GLI2: variants seen among roughly 807,000 people sequenced by gnomAD.
The protein encoded by GLI2 is GLI family zinc finger 2.
A neutral mutation model predicts 78.9 loss-of-function variants in GLI2; 22 were observed. The ratio of observed to expected loss-of-function variants is 0.28; its 90% CI spans 0.20 to 0.40. GLI2 has a LOEUF of 0.40. Ranked by LOEUF, GLI2 falls within the 10% of genes least tolerant of loss-of-function variation. GLI2 has a pLI of 1.00. For missense variants in GLI2, 2,097 were observed against 2,213.2 expected, an observed-to-expected ratio of 0.95 and a Z score of 1.05; for synonymous variants, 974 against 963.7, an observed-to-expected ratio of 1.01 and a Z score of -0.20.
rs765506275 is a variant in GLI2, at chr2:120,978,589, TGGC to T, written c.1467+7_1467+9del. The T allele has an allele frequency of 6.2e-7, 1 of 1,612,766 alleles. No individual in the cohort carries two copies. Among genetic ancestry groups the T allele is most frequent in the Admixed American group, 1.7e-5 (1 of 59,978 alleles). On this transcript the variant is annotated splice_region_variant and intron_variant, in intron 10 of 13. Transcript: ENST00000361492. ...AGAAGCCCCACAAGTGCACGGTGAG[TGGC>T]CTTCTCCCCACCCCCGCCGCAGCAT...
chr2:120,871,282 G>C (rs1688413370), intron 2 of GLI2, among the ~76,000 whole-genome samples: 2 of 148,056 alleles, frequency 1.4e-5, no homozygotes, highest in Admixed American at 6.8e-5. Flanking sequence ...CAAAGATAGG[G>C]CTGTACTTCC....
chr2:120,851,659 C>T (rs1049563384), intron 2 of GLI2, among the ~76,000 whole-genome samples: 2 of 152,170 alleles, frequency 1.3e-5, no homozygotes, highest in Non-Finnish European at 2.9e-5. Context: ...TCACACTGTC[C>T]CCGAACACAG....
chr2:120,809,949 T>C (rs1326461397), intron 2 of GLI2, among the ~76,000 whole-genome samples: 1 of 152,196 alleles, frequency 6.6e-6, no homozygotes, highest in Non-Finnish European at 1.5e-5. Flanking sequence ...TGGCAGGCTC[T>C]GCAGTGGTGG....
intron 3 of GLI2, among the ~76,000 whole-genome samples, chr2:120,939,339 C>T (rs1409991803): frequency 6.6e-6 from 1 of 152,064 alleles, no homozygotes; most frequent in Non-Finnish European, 1.5e-5. Context: ...ATGACATATA[C>T]ACCCTTATCC....
At chr2:120,985,381 C>A (rs1682923960) in intron 12 of GLI2, among the ~76,000 whole-genome samples, 2 of 152,200 alleles carry the variant, frequency 1.3e-5, no homozygotes, top group African/African-American at 4.8e-5. Context: ...TTGGCCTTGG[C>A]AGCCGGAGTG....
intron 8 of GLI2, among the ~76,000 whole-genome samples, chr2:120,974,138 G>A (rs1288844159): frequency 1.3e-5 from 2 of 152,108 alleles, no homozygotes. Context: ...CTCTTTGCTT[G>A]GCTTTGCTCC....
chr2:120,934,143 A>G (rs577900091), intron 3 of GLI2, among the ~76,000 whole-genome samples: 1 of 152,248 alleles, frequency 6.6e-6, no homozygotes, highest in South Asian at 2.1e-4. Context: ...TGCTTGCTTG[A>G]CGTCCGGGAA....
chr2:120,932,897 G>C (rs188779178), intron 3 of GLI2, among the ~76,000 whole-genome samples: 48 of 152,338 alleles, frequency 3.2e-4, no homozygotes, highest in Non-Finnish European at 5.3e-4. Flanking sequence ...GGGGCTGAAG[G>C]AGTGCTGTGG....
rs1012756393 is a variant in GLI2 at position 120,800,341 on chromosome 2, C to T, written c.148+2873C>T. 3.3e-5 allele frequency among the ~76,000 whole-genome samples: 5 copies of T among 151,974 alleles called. No homozygotes were observed. Among genetic ancestry groups the T allele is most frequent in the Admixed American group, 6.6e-5 (1 of 15,256 alleles). ...TGCTGGGGGCAGGAGCAGACTGAGT[C>T]GACTCCCCTGTTGCTGCGCAGGTGA... is the stretch of plus-strand genomic sequence containing the variant. On this transcript the variant is annotated intron_variant, in intron 2 of 13. Coordinates refer to ENST00000361492, the MANE Select transcript of GLI2 (RefSeq NM_001374353.1). This position sits in a 1 kb window ranked among gnomAD's most constrained non-coding sequence, Gnocchi z 4.1.
intron 3 of GLI2, among the ~76,000 whole-genome samples, chr2:120,931,964 C>T (rs773434206): frequency 2.0e-4 from 31 of 152,130 alleles, no homozygotes; most frequent in African/African-American, 4.8e-4. Context: ...AGTTGGTTCC[C>T]GCCAGACTGA....
At chr2:120,887,969 C>T (rs1677496016) in intron 2 of GLI2, among the ~76,000 whole-genome samples, 1 of 152,238 alleles carries the variant, frequency 6.6e-6, no homozygotes. Flanking sequence ...AGCTTGGGCA[C>T]AGCTAGCAGG....
At chr2:120,969,648 G>C (rs1682036080) in intron 6 of GLI2, among the ~76,000 whole-genome samples, 1 of 152,256 alleles carries the variant, frequency 6.6e-6, no homozygotes, top group Admixed American at 6.5e-5. Flanking sequence ...GGCTCTCTCA[G>C]GTGGCCACAG....
At chr2:120,913,419 C>T (rs780594690) in intron 2 of GLI2, among the ~76,000 whole-genome samples, 8 of 152,096 alleles carry the variant, frequency 5.3e-5, no homozygotes, top group Non-Finnish European at 1.0e-4. Context: ...CGTACTGGTT[C>T]AATTAAATTG....
At chr2:120,954,379 C>T (rs948958156) in intron 4 of GLI2, among the ~76,000 whole-genome samples, 2 of 152,264 alleles carry the variant, frequency 1.3e-5, no homozygotes, top group South Asian at 2.1e-4. Flanking sequence ...GCTGGAGGCC[C>T]GGACTCTTGG....
chr2:120,759,010 C>T (rs1683130693), intron 1 of GLI2, among the ~76,000 whole-genome samples: 1 of 152,178 alleles, frequency 6.6e-6, no homozygotes, highest in South Asian at 2.1e-4. Flanking sequence ...ATCTTCCCTG[C>T]ACCCTCCCCC....
intron 2 of GLI2, among the ~76,000 whole-genome samples, chr2:120,922,269 G>A (rs1179057748): frequency 6.6e-6 from 1 of 152,224 alleles, no homozygotes; most frequent in Non-Finnish European, 1.5e-5. Context: ...GTGAATAGAT[G>A]GGGTCTTCTC....
intron 1 of GLI2, among the ~76,000 whole-genome samples, chr2:120,787,003 G>A (rs929726067): frequency 8.5e-5 from 13 of 152,204 alleles, no homozygotes; most frequent in African/African-American, 2.9e-4. Flanking sequence ...AACATTGATG[G>A]TGTCTGTGTC....
intron 2 of GLI2, among the ~76,000 whole-genome samples, chr2:120,819,655 G>A (rs1338595877): frequency 6.6e-6 from 1 of 152,168 alleles, no homozygotes; most frequent in African/African-American, 2.4e-5. Flanking sequence ...TTGTTCTCAA[G>A]AACCAGAAAT....
intron 11 of GLI2, among the ~76,000 whole-genome samples, chr2:120,983,946 G>GGGGGT (rs112474343): frequency 3.4e-4 from 49 of 143,210 alleles, no homozygotes; most frequent in Middle Eastern, 7.0e-3. Flanking sequence ...TGGTGTGTGG[G>GGGGGT]GTGTGTGTGT....
Sources: allele counts gnomAD v4.1 joint callset (sites outside exome capture counted in the v4.1 genomes callset), GRCh38; gene constraint gnomAD v4.1.1; non-coding constraint Gnocchi (gnomAD v3.1); transcripts MANE v1.5; gene names NCBI Gene and HGNC (gene_info 2026-07-23, HGNC 2026-07-21).